The following DHRS3 variants were observed in gnomAD, a reference collection of about 807,000 sequenced individuals.
DHRS3 encodes short-chain dehydrogenase/reductase 3.
In DHRS3, 14 loss-of-function variants were observed where a neutral mutation model predicts 27.2. The observed-to-expected ratio is 0.52, with a 90% CI of 0.34 to 0.81. DHRS3 has a LOEUF of 0.81. Ranked by LOEUF, DHRS3 falls within the 30% of genes least tolerant of loss-of-function variation. The pLI is 0.01. For missense variants in DHRS3, 322 were observed against 406.2 expected (o/e 0.79, Z 1.78); for synonymous variants, 165 against 175.9 (o/e 0.94, Z 0.49).
At chr1:12,597,869 G>C (rs1449082674) in intron 1 of DHRS3, among the ~76,000 whole-genome samples, 1 of 152,170 alleles carries the variant, frequency 6.6e-6, no homozygotes, top group Non-Finnish European at 1.5e-5. Flanking sequence ...ACCAAGTGTA[G>C]GGCGCTTCTG....
intron 1 of DHRS3, among the ~76,000 whole-genome samples, chr1:12,600,688 T>C (rs575212912): frequency 2.0e-5 from 3 of 152,218 alleles, no homozygotes; most frequent in Admixed American, 6.5e-5. Flanking sequence ...AAGGACCCAA[T>C]ATCATCTCTG....
intron 1 of DHRS3, among the ~76,000 whole-genome samples, chr1:12,616,006 C>G (rs924462411): frequency 3.3e-5 from 5 of 152,186 alleles, no homozygotes; most frequent in Non-Finnish European, 1.5e-5. Context: ...GCTGATAGTT[C>G]AGGCTCCAAA....
chr1:12,611,987 A>C lies in DHRS3; in HGVS notation c.195+5167T>G, dbSNP rs117309420. On this transcript the variant is annotated intron_variant, in intron 1 of 5. Transcript: ENST00000616661. ...AGCTCAGTCTCTGGCCTCCTGCACAAGTGAGCAAGACTGCAGGGGGGCGTG... is the reference window on the plus strand; with the variant it reads ...AGCTCAGTCTCTGGCCTCCTGCACACGTGAGCAAGACTGCAGGGGGGCGTG... Among the ~76,000 whole-genome samples the C allele has an allele frequency of 1.8e-4, 26 of 146,912 alleles. No individual in the cohort carries two copies. The East Asian group carries it at 5.4e-3, about 30-fold the overall frequency.
Position 12,617,444 on chromosome 1 carries a change from A to G in DHRS3, c.-96T>C. The stretch of plus-strand genomic sequence containing the variant: ...CCGAACAATAAATAGTAAACCGAAT[A>G]AGGAGGAGAGAGGCGTCCCACCTGG... On this transcript the variant is annotated 5_prime_UTR_variant, in exon 1 of 6. Coordinates refer to ENST00000616661, the MANE Select transcript of DHRS3 (RefSeq NM_004753.7). 1 of 1,358,768 alleles carries G rather than the reference A, an allele frequency of 7.4e-7. No homozygotes were observed. Among genetic ancestry groups the G allele is most frequent in the Non-Finnish European group, 9.9e-7 (1 of 1,008,610 alleles). 84.2% of individuals were successfully genotyped at this position (1,358,768 alleles called of 1,614,324 possible).
intron 4 of DHRS3, among the ~76,000 whole-genome samples, chr1:12,576,031 T>G (rs1356634758): frequency 6.6e-6 from 1 of 152,046 alleles, no homozygotes; most frequent in Non-Finnish European, 1.5e-5. Context: ...TATGAATCTC[T>G]TTTTAGAGGT....
intron 1 of DHRS3, among the ~76,000 whole-genome samples, chr1:12,598,365 ACT>A (rs1332247216): frequency 4.0e-5 from 6 of 151,762 alleles, no homozygotes; most frequent in South Asian, 4.2e-4. Flanking sequence ...ATGGAGTGAG[ACT>A]CTGTCTCGGC....
At chr1:12,589,391 C>CTTTTTTTT (rs70987258) in intron 1 of DHRS3, among the ~76,000 whole-genome samples, 1 of 136,416 alleles carries the variant, frequency 7.3e-6, no homozygotes, top group African/African-American at 2.8e-5. Flanking sequence ...TTTTCTTTTT[C>CTTTTTTTT]TTTTTTTTTT....
Position 12,617,439 on chromosome 1 carries a change from C to G in DHRS3, c.-91G>C. On this transcript the variant is annotated 5_prime_UTR_variant, in exon 1 of 6. Transcript: ENST00000616661. The stretch of plus-strand genomic sequence containing the variant: ...ACACCCCGAACAATAAATAGTAAAC[C>G]GAATAAGGAGGAGAGAGGCGTCCCA... 10 of 1,397,906 alleles carry G rather than the reference C, an allele frequency of 7.2e-6. No individual in the cohort carries two copies. The highest frequency in any genetic ancestry group is 9.6e-6 in the Non-Finnish European group (10 of 1,041,638). The allele number at this position is 1,397,906 out of a possible 1,614,324, so 86.6% of individuals were successfully genotyped here. A position where few individuals can be genotyped will look rare whatever the true frequency, so the allele number is the denominator to read the frequency against.
chr1:12,571,702 T>C (rs1448702015), intron 5 of DHRS3, among the ~76,000 whole-genome samples: 1 of 152,028 alleles, frequency 6.6e-6, no homozygotes, highest in East Asian at 1.9e-4. Flanking sequence ...AGCTAATTTT[T>C]TTTGTATTTT....
intron 1 of DHRS3, chr1:12,616,553 T>C: frequency 8.1e-6 from 8 of 985,996 alleles, no homozygotes; most frequent in Non-Finnish European, 9.6e-6. Flanking sequence ...TATCAGTAGC[T>C]GCTTACCCTG....
In DHRS3 at chr1:12,580,558, C is replaced by T. The variant is rs1168319119; in HGVS notation, c.304G>A (p.Glu102Lys). The change falls in exon 2 of 6, where the codon GAG (glutamate) becomes AAG (lysine). Residue 102 changes from glutamate to lysine, a missense_variant. Coordinates refer to ENST00000616661, the MANE Select transcript of DHRS3 (RefSeq NM_004753.7). ...YFICDVGNRE[E>K]VYQTAKAVRE... ...ACGGCCTTGGCCGTCTGGTACACCT[C>T]CTCCCGGTTGCCCACATCACAGATG... The T allele has an allele frequency of 1.1e-5, 18 of 1,614,080 alleles. No homozygotes were observed. The highest frequency in any genetic ancestry group is 1.5e-5 in the Non-Finnish European group (18 of 1,180,048).
chr1:12,602,913 C>T lies in DHRS3; in HGVS notation c.195+14241G>A, dbSNP rs114548953. 5.8e-3 allele frequency among the ~76,000 whole-genome samples: 877 copies of T among 152,350 alleles called. 7 individuals carry two copies. The highest frequency in any genetic ancestry group is 0.01 in the Non-Finnish European group (682 of 68,034). On this transcript the variant is annotated intron_variant, in intron 1 of 5. Coordinates refer to ENST00000616661, the MANE Select transcript of DHRS3 (RefSeq NM_004753.7). Reference sequence around the variant, plus strand: ...AAAGATTTTGGCTGCTGTGACACTGCCTTTGGGCCAGGTCTGGGCTTTGGG... The same window carrying T: ...AAAGATTTTGGCTGCTGTGACACTGTCTTTGGGCCAGGTCTGGGCTTTGGG...
intron 1 of DHRS3, among the ~76,000 whole-genome samples, chr1:12,582,599 A>G (rs897961767): frequency 7.2e-5 from 11 of 152,120 alleles, no homozygotes; most frequent in African/African-American, 2.7e-4. Context: ...GTTCATGGAA[A>G]AGAAAAAAGA....
intron 1 of DHRS3, among the ~76,000 whole-genome samples, chr1:12,604,894 C>T (rs1386872474): frequency 6.6e-6 from 1 of 151,960 alleles, no homozygotes; most frequent in East Asian, 1.9e-4. Flanking sequence ...ATTAAAAATA[C>T]AAAAATTAGC....
In DHRS3 at chr1:12,568,429, A is replaced by G; in HGVS notation, c.825-5T>C. The stretch of plus-strand genomic sequence containing the variant: ...AGTGCAGCCTGTGGAAGTATGCTGG[A>G]GTAGGAGGAAGAAAAGAAGATAGCG... On this transcript the variant is annotated splice_polypyrimidine_tract_variant and splice_region_variant and intron_variant, in intron 5 of 5. Coordinates refer to ENST00000616661, the MANE Select transcript of DHRS3 (RefSeq NM_004753.7). 1.2e-6 allele frequency: 2 copies of G among 1,613,128 alleles called. No homozygotes were observed. The highest frequency in any genetic ancestry group is 1.7e-6 in the Non-Finnish European group (2 of 1,179,188).
Position 12,580,197 on chromosome 1 carries a change from GAT to G in DHRS3, c.339+324_339+325del, listed in dbSNP as rs966452770. On this transcript the variant is annotated intron_variant, in intron 2 of 5. Coordinates refer to ENST00000616661, the MANE Select transcript of DHRS3 (RefSeq NM_004753.7). Reference sequence around the variant, plus strand: ...GGGTTTCCCTCTCTTGGAGGTCACTGATATATTTAGCCCAAACAGATGACTGG... The same window carrying G: ...GGGTTTCCCTCTCTTGGAGGTCACTGATATTTAGCCCAAACAGATGACTGG... The G allele has an allele frequency of 3.8e-5, 15 of 391,924 alleles. No individual in the cohort carries two copies. The Admixed American group carries it at 5.8e-4, about 15-fold the overall frequency. 24.3% of individuals were successfully genotyped at this position (391,924 alleles called of 1,614,324 possible). A position where few individuals can be genotyped will look rare whatever the true frequency, so the allele number is the denominator to read the frequency against.
chr1:12,607,060 A>G (rs548737258), intron 1 of DHRS3, among the ~76,000 whole-genome samples: 44 of 152,338 alleles, frequency 2.9e-4, no homozygotes, highest in Admixed American at 1.4e-3. Context: ...TCTGCTTATA[A>G]TGAGAGTGTT....
chr1:12,614,696 G>A (rs1646932510), intron 1 of DHRS3, among the ~76,000 whole-genome samples: 1 of 143,408 alleles, frequency 7.0e-6, no homozygotes, highest in Admixed American at 7.0e-5. Flanking sequence ...CAGAGACTCT[G>A]GTACACTTTT....
chr1:12,578,579 A>C lies in DHRS3; in HGVS notation c.698+139T>G. On this transcript the variant is annotated intron_variant, in intron 4 of 5. Transcript: ENST00000616661. This position sits in a 1 kb window ranked among gnomAD's most constrained non-coding sequence, Gnocchi z 4.5. ...AGCGATCCACCTGCCTTGGCTTCCC[A>C]AAATGCTAGGATTATAGGTATGAGG... 1 of 857,526 alleles carries C rather than the reference A, an allele frequency of 1.2e-6. No individual in the cohort carries two copies. Among genetic ancestry groups the C allele is most frequent in the Non-Finnish European group, 1.8e-6 (1 of 545,568 alleles). The allele number at this position is 857,526 out of a possible 1,614,324, so 53.1% of individuals were successfully genotyped here. A position where few individuals can be genotyped will look rare whatever the true frequency, so the allele number is the denominator to read the frequency against.
Sources: allele counts gnomAD v4.1 joint callset (sites outside exome capture counted in the v4.1 genomes callset), GRCh38; gene constraint gnomAD v4.1.1; non-coding constraint Gnocchi (gnomAD v3.1); transcripts MANE v1.5; gene names NCBI Gene and HGNC (gene_info 2026-07-23, HGNC 2026-07-21).